The following RYR2 variants were observed in gnomAD, a reference collection of about 807,000 sequenced individuals.
RYR2 encodes the protein cardiac muscle ryanodine receptor-calcium release channel.
In RYR2, 227 loss-of-function variants were observed where a neutral mutation model predicts 601.1. The ratio of observed to expected loss-of-function variants is 0.38; its 90% CI spans 0.34 to 0.42. The LOEUF is 0.42. RYR2 is among the 10% of genes least tolerant of loss of function. The pLI is 1.00. For synonymous variants in RYR2, 2,223 were observed against 2,175.1 expected (o/e 1.02, Z -0.61); for missense variants, 4,646 against 6,156.5 (o/e 0.75, Z 8.21).
intron 1 of RYR2, among the ~76,000 whole-genome samples, chr1:237,192,275 C>A (rs1259118748): frequency 6.6e-6 from 1 of 152,060 alleles, no homozygotes; most frequent in African/African-American, 2.4e-5. Context: ...ATGGTGTGAT[C>A]TTGGTTCACT....
chr1:237,188,757 G>C (rs1679646686), intron 1 of RYR2, among the ~76,000 whole-genome samples: 3 of 151,996 alleles, frequency 2.0e-5, no homozygotes, highest in South Asian at 2.1e-4. Context: ...GTAGAAATGG[G>C]GTTTCACCAA....
intron 10 of RYR2, among the ~76,000 whole-genome samples, chr1:237,402,242 A>ATT (rs397721301): frequency 6.6e-6 from 1 of 150,952 alleles, no homozygotes; most frequent in African/African-American, 2.4e-5. Context: ...AAAAAAAAAA[A>ATT]GTTTTTTAAT....
intron 1 of RYR2, among the ~76,000 whole-genome samples, chr1:237,098,034 A>G (rs1056206112): frequency 1.3e-5 from 2 of 152,208 alleles, no homozygotes; most frequent in Non-Finnish European, 2.9e-5. Context: ...ATGCATGAAG[A>G]CAAATATCAA....
intron 58 of RYR2, among the ~76,000 whole-genome samples, chr1:237,673,580 T>C (rs12217140): frequency 0.26 from 39,981 of 152,056 alleles, 6,271 homozygotes; most frequent in Middle Eastern, 0.49. Context: ...CATCTACATA[T>C]GGTTTTGTGT....
intron 1 of RYR2, among the ~76,000 whole-genome samples, chr1:237,122,611 G>A (rs988326287): frequency 6.6e-6 from 1 of 152,174 alleles, no homozygotes; most frequent in African/African-American, 2.4e-5. Flanking sequence ...GAACCTAGGA[G>A]GTGGAGATTG....
At chr1:237,510,576 GA>G (rs975886922) in intron 23 of RYR2, among the ~76,000 whole-genome samples, 2 of 152,106 alleles carry the variant, frequency 1.3e-5, no homozygotes, top group African/African-American at 2.4e-5. Flanking sequence ...TGACCAGAAA[GA>G]AAGGAATAAA....
intron 2 of RYR2, among the ~76,000 whole-genome samples, chr1:237,328,602 T>A (rs1478966862): frequency 2.8e-5 from 4 of 145,444 alleles, no homozygotes; most frequent in Non-Finnish European, 4.5e-5. Context: ...AAATTTTATT[T>A]AAAAAAAAAA....
chr1:237,611,052 C>A, intron 36 of RYR2, 64 bp downstream of exon 36: 1 of 1,423,978 alleles, frequency 7.0e-7, no homozygotes, highest in Non-Finnish European at 9.7e-7. Context: ...CTGCCCGGGG[C>A]TTCCGGTAGT....
chr1:237,266,645 C>A (rs1482631783), intron 1 of RYR2, among the ~76,000 whole-genome samples: 2 of 152,136 alleles, frequency 1.3e-5, no homozygotes, highest in African/African-American at 2.4e-5. Context: ...CCAAAAGGAA[C>A]CTTTTGATTA....
chr1:237,330,591 T>C (rs1422736244), intron 2 of RYR2, among the ~76,000 whole-genome samples: 1 of 152,354 alleles, frequency 6.6e-6, no homozygotes, highest in East Asian at 1.9e-4. Flanking sequence ...TTTCACTATG[T>C]TGGCCAGGCT....
intron 1 of RYR2, among the ~76,000 whole-genome samples, chr1:237,077,793 A>G (rs1163996455): frequency 6.6e-6 from 1 of 152,244 alleles, no homozygotes; most frequent in South Asian, 2.1e-4. Flanking sequence ...ACATCTACAG[A>G]ACCATCCACC....
intron 15 of RYR2, among the ~76,000 whole-genome samples, chr1:237,455,131 T>G (rs1482213794): frequency 6.6e-6 from 1 of 152,104 alleles, no homozygotes; most frequent in Non-Finnish European, 1.5e-5. Flanking sequence ...CCCAAAAGTT[T>G]CACTGCTAAA....
intron 2 of RYR2, among the ~76,000 whole-genome samples, chr1:237,325,939 A>G (rs1463196016): frequency 2.0e-5 from 3 of 152,278 alleles, no homozygotes; most frequent in Admixed American, 6.5e-5. Flanking sequence ...AGGCATCAGG[A>G]TGTGAAATGG....
At chr1:237,097,605 G>T (rs931257012) in intron 1 of RYR2, among the ~76,000 whole-genome samples, 4 of 152,160 alleles carry the variant, frequency 2.6e-5, no homozygotes, top group Non-Finnish European at 5.9e-5. Flanking sequence ...GACCAAAATG[G>T]ATAAGATGAA....
chr1:237,241,629 C>T (rs1184000845), intron 1 of RYR2, among the ~76,000 whole-genome samples: 1 of 152,138 alleles, frequency 6.6e-6, no homozygotes. Flanking sequence ...ACTCCATAGG[C>T]AGAGCAGCTC....
chr1:237,568,656 G>A (rs984180391), intron 28 of RYR2, among the ~76,000 whole-genome samples: 19 of 152,078 alleles, frequency 1.2e-4, no homozygotes, highest in Admixed American at 7.2e-4. Context: ...CTGTGCCATC[G>A]GTTCTAAGGA....
At chr1:237,501,149 A>G (rs1313786753) in intron 21 of RYR2, among the ~76,000 whole-genome samples, 1 of 148,952 alleles carries the variant, frequency 6.7e-6, no homozygotes, top group Non-Finnish European at 1.5e-5. Flanking sequence ...CCCTCAAACC[A>G]GGGTCCTGAA....
intron 26 of RYR2, among the ~76,000 whole-genome samples, chr1:237,550,025 G>C (rs1304662449): frequency 6.6e-6 from 1 of 152,022 alleles, no homozygotes; most frequent in Non-Finnish European, 1.5e-5. Context: ...CCCTGGCATT[G>C]CCGGGTTTCA....
At chr1:237,196,040 G>A (rs924465242) in intron 1 of RYR2, among the ~76,000 whole-genome samples, 1 of 152,136 alleles carries the variant, frequency 6.6e-6, no homozygotes, top group Non-Finnish European at 1.5e-5. Flanking sequence ...AAATTCATGC[G>A]ACCTTTTAAG....
Sources: gnomAD v4.1 joint callset for allele counts (sites outside exome capture counted in the v4.1 genomes callset) on GRCh38, gnomAD v4.1.1 for gene constraint, MANE v1.5 for transcripts, NCBI Gene and HGNC (gene_info 2026-07-23, HGNC 2026-07-21) for gene names.